APP: variants seen among roughly 807,000 people sequenced by gnomAD.
The protein encoded by APP is amyloid-beta precursor protein.
Under a neutral mutation model 101.4 loss-of-function variants are expected in APP, and 31 were observed. That is an observed-to-expected ratio of 0.31 (90% confidence interval 0.23 to 0.41). The LOEUF (loss-of-function observed/expected upper bound fraction) is 0.41, where lower values mean the gene tolerates loss of function less well. Ranked by LOEUF, APP falls within the 10% of genes least tolerant of loss-of-function variation. The pLI, the probability that APP is intolerant of heterozygous loss-of-function variation, is 1.00. For missense variants in APP, 839 were observed against 1,003.7 expected (o/e 0.84, Z 2.22); for synonymous variants, 366 against 364.4 (o/e 1.00, Z -0.05).
chr21:26,032,809 T>C (rs569112500), intron 5 of APP, among the ~76,000 whole-genome samples: 1 of 143,042 alleles, frequency 7.0e-6, no homozygotes, highest in Admixed American at 6.9e-5. Context: ...AAAAAAAATA[T>C]ATATATATAT....
At position 26,000,008 on chromosome 21, in the gene APP, C is replaced by T; in HGVS notation, c.1033+7G>A. On this transcript the variant is annotated splice_region_variant and intron_variant, in intron 7 of 17. Coordinates refer to ENST00000346798, the MANE Select transcript of APP (RefSeq NM_000484.4). Reference sequence around the variant, plus strand: ...AGGTGGCCAGGCTCGAAGAAGGGTCCACTTACTGGCGCTGCCACACACGGC... The same window carrying T: ...AGGTGGCCAGGCTCGAAGAAGGGTCTACTTACTGGCGCTGCCACACACGGC... 1.2e-6 allele frequency: 2 copies of T among 1,613,906 alleles called. No individual in the cohort carries two copies. Among genetic ancestry groups the T allele is most frequent in the South Asian group, 2.2e-5 (2 of 91,058 alleles).
intron 1 of APP, among the ~76,000 whole-genome samples, chr21:26,139,754 G>A (rs948145806): frequency 2.0e-5 from 3 of 152,128 alleles, no homozygotes; most frequent in Admixed American, 6.5e-5. Context: ...TTAGCTGGAC[G>A]TGGTGGCACA....
At chr21:25,933,145 C>T (rs1398010849) in intron 13 of APP, among the ~76,000 whole-genome samples, 2 of 152,188 alleles carry the variant, frequency 1.3e-5, no homozygotes, top group Non-Finnish European at 2.9e-5. Context: ...GTCACTCAGG[C>T]TGGAGTGCAG....
intron 13 of APP, among the ~76,000 whole-genome samples, chr21:25,947,550 GA>G (rs1261888101): frequency 6.6e-6 from 1 of 152,210 alleles, no homozygotes; most frequent in Non-Finnish European, 1.5e-5. Flanking sequence ...TTTTGAAAGA[GA>G]AATTGTCTTG....
chr21:25,996,297 G>GA (rs1231562114), intron 8 of APP, among the ~76,000 whole-genome samples: 1 of 152,196 alleles, frequency 6.6e-6, no homozygotes, highest in Non-Finnish European at 1.5e-5. Flanking sequence ...TGGGAGAGGA[G>GA]AAAGAGGGGT....
intron 16 of APP, among the ~76,000 whole-genome samples, chr21:25,895,589 T>C (rs1291216398): frequency 6.6e-6 from 1 of 152,192 alleles, no homozygotes; most frequent in East Asian, 1.9e-4. Context: ...ATTCTTTCAA[T>C]TTAGCCTCAA....
chr21:26,108,516 A>G (rs2146194180), intron 2 of APP, among the ~76,000 whole-genome samples: 1 of 152,352 alleles, frequency 6.6e-6, no homozygotes, highest in East Asian at 1.9e-4. Context: ...ACGAAGATAT[A>G]TGGTAGGGGA....
intron 3 of APP, among the ~76,000 whole-genome samples, chr21:26,085,748 T>C (rs552199919): frequency 1.3e-4 from 20 of 152,320 alleles, no homozygotes; most frequent in East Asian, 1.9e-4. Flanking sequence ...CTGTAGATAA[T>C]TGATACAAAG....
At position 26,016,399 on chromosome 21, in the gene APP, C is replaced by T. The variant is rs556617882; in HGVS notation, c.865+5441G>A. Among the ~76,000 whole-genome samples, 5 of 152,132 alleles carry T rather than the reference C, an allele frequency of 3.3e-5. No homozygotes were observed. In the East Asian group the frequency reaches 9.7e-4, roughly 29 times the overall value. The stretch of plus-strand genomic sequence containing the variant: ...GTGTAAAATAATAGATGAATATATG[C>T]CTATATCAAAGGTATATGCATTTAC... On this transcript the variant is annotated intron_variant, in intron 6 of 17. Coordinates refer to ENST00000346798, the MANE Select transcript of APP (RefSeq NM_000484.4).
At chr21:25,995,651 A>G (rs972939960) in intron 8 of APP, among the ~76,000 whole-genome samples, 1 of 152,236 alleles carries the variant, frequency 6.6e-6, no homozygotes, top group African/African-American at 2.4e-5. Context: ...CTATGTCAAC[A>G]CTATAGTGGA....
At chr21:25,940,377 G>A (rs2040526463) in intron 13 of APP, among the ~76,000 whole-genome samples, 1 of 152,090 alleles carries the variant, frequency 6.6e-6, no homozygotes, top group Admixed American at 6.6e-5. Context: ...AATTTATTAG[G>A]TAGACCCAAA....
chr21:25,967,986 C>A (rs943588825), intron 11 of APP, among the ~76,000 whole-genome samples: 6 of 152,130 alleles, frequency 3.9e-5, no homozygotes, highest in African/African-American at 1.4e-4. Context: ...CAAAGAAAGT[C>A]TAAGGAAAGT....
upstream of APP, chr21:26,170,800 G>A: frequency 3.3e-6 from 2 of 614,658 alleles, no homozygotes; most frequent in Non-Finnish European, 2.6e-6. Flanking sequence ...GGGGCTCAGA[G>A]CCAGGCGAGT....
intron 1 of APP, among the ~76,000 whole-genome samples, chr21:26,125,033 A>G (rs1027068782): frequency 1.3e-5 from 2 of 152,268 alleles, no homozygotes; most frequent in Non-Finnish European, 2.9e-5. Flanking sequence ...CTCTCAGGAA[A>G]GAGTGACTGG....
intron 14 of APP, among the ~76,000 whole-genome samples, chr21:25,908,692 T>TAAA (rs11452565): frequency 6.9e-5 from 10 of 145,646 alleles, no homozygotes; most frequent in African/African-American, 1.5e-4. Flanking sequence ...CTGGCTCCAT[T>TAAA]AAAAAAAAAA....
intron 5 of APP, among the ~76,000 whole-genome samples, chr21:26,049,905 T>G (rs1014500123): frequency 6.6e-6 from 1 of 152,196 alleles, no homozygotes; most frequent in African/African-American, 2.4e-5. Context: ...GTCTAAAGCA[T>G]GACTGTGTTC....
chr21:26,005,400 T>A (rs1046381956), intron 6 of APP, among the ~76,000 whole-genome samples: 3 of 152,024 alleles, frequency 2.0e-5, no homozygotes, highest in Non-Finnish European at 2.9e-5. Flanking sequence ...GGCGACAGAG[T>A]GAGACTTGGT....
chr21:26,120,108 T>C (rs2062532768), intron 1 of APP, among the ~76,000 whole-genome samples: 3 of 152,360 alleles, frequency 2.0e-5, no homozygotes, highest in Admixed American at 2.0e-4. Context: ...TGGGCTATAA[T>C]AAATGGTTAT....
In APP at chr21:25,892,047, A is replaced by T. The variant is rs1490097440; in HGVS notation, c.2065-179T>A. Among the ~76,000 whole-genome samples the T allele has an allele frequency of 1.5e-4, 3 of 20,012 alleles. No homozygotes were observed. Among genetic ancestry groups the T allele is most frequent in the Admixed American group, 3.9e-4 (1 of 2,534 alleles). 13.1% of individuals were successfully genotyped at this position (20,012 alleles called of 152,430 possible). ...TGGTCAAATATTTGATGCTTACTTT[A>T]AAAAAAAAAAAAAAAAAAGAAATCA... On this transcript the variant is annotated intron_variant, in intron 16 of 17. Coordinates refer to ENST00000346798, the MANE Select transcript of APP (RefSeq NM_000484.4).
Sources: gnomAD v4.1 joint callset for allele counts (sites outside exome capture counted in the v4.1 genomes callset) on GRCh38, gnomAD v4.1.1 for gene constraint, MANE v1.5 for transcripts, NCBI Gene and HGNC (gene_info 2026-07-23, HGNC 2026-07-21) for gene names.